The following ARHGEF1 variants were observed in gnomAD, a reference collection of about 807,000 sequenced individuals.
ARHGEF1 encodes the protein 115 kDa guanine nucleotide exchange factor.
A neutral mutation model predicts 119.7 loss-of-function variants in ARHGEF1; 40 were observed. That is an observed-to-expected ratio of 0.33 (90% CI 0.26 to 0.44). The LOEUF (loss-of-function observed/expected upper bound fraction) is 0.44, where lower values mean the gene tolerates loss of function less well. ARHGEF1 is among the 20% of genes least tolerant of loss of function. The pLI is 1.00. For synonymous variants in ARHGEF1, 494 were observed against 521.0 expected (o/e 0.95, Z 0.71); for missense variants, 976 against 1,268.3 (o/e 0.77, Z 3.50).
chr19:41,903,260 C>A lies in ARHGEF1; in HGVS notation c.1739-47C>A. 1 of 1,567,768 alleles carries A rather than the reference C, an allele frequency of 6.4e-7. No individual in the cohort carries two copies. The highest frequency in any genetic ancestry group is 8.8e-7 in the Non-Finnish European group (1 of 1,139,884). The stretch of plus-strand genomic sequence containing the variant: ...CTAACCTTGGCTGCCCAATCTGGAG[C>A]CTCCAGGGCAGGGGTTCACCAGAGC... On this transcript the variant is annotated intron_variant, in intron 18 of 28. Transcript: ENST00000354532. This position sits in a 1 kb window ranked among gnomAD's most constrained non-coding sequence, Gnocchi z 4.2.
At chr19:41,898,753 A>G (rs1285174834) in intron 14 of ARHGEF1, among the ~76,000 whole-genome samples, 166 bp downstream of exon 14, 2 of 152,266 alleles carry the variant, frequency 1.3e-5, no homozygotes, top group East Asian at 1.9e-4. Flanking sequence ...GTTTCAACAC[A>G]GAGCATTTTG....
upstream of ARHGEF1, among the ~76,000 whole-genome samples, chr19:41,918,698 G>A (rs576186801): frequency 4.3e-5 from 4 of 93,142 alleles, no homozygotes; most frequent in Admixed American, 1.1e-4. Context: ...CCACATATCC[G>A]CCACACACCA....
Position 41,902,798 on chromosome 19 carries a change from C to T in ARHGEF1, c.1638C>T (p.Arg546=), listed in dbSNP as rs2074625723. ...GTTTCCCGCAGGAAGCTGAGAGCCG[C>T]CCGCGGTGCCGCCGCCTGCAGCTGA... The part of the protein sequence containing the change: ...FCAFVQEAES[R]PRCRRLQLKD... The change falls in exon 18 of 29, where the codon CGC becomes CGT. Residue 546 remains arginine, a synonymous_variant. Transcript: ENST00000354532. This position sits in a 1 kb window ranked among gnomAD's most constrained non-coding sequence, Gnocchi z 6.5. 3.1e-6 allele frequency: 5 copies of T among 1,613,062 alleles called. No individual in the cohort carries two copies. Among genetic ancestry groups the T allele is most frequent in the African/African-American group, 1.3e-5 (1 of 75,042 alleles).
Position 41,892,512 on chromosome 19 carries a change from G to T in ARHGEF1, c.368-91G>T, listed in dbSNP as rs2074393646. On this transcript the variant is annotated intron_variant, in intron 6 of 28. Coordinates refer to ENST00000354532, the MANE Select transcript of ARHGEF1 (RefSeq NM_004706.4). The surrounding 1 kb of genome is among the most constrained non-coding windows in gnomAD (Gnocchi z 6.3). ...CATTCCTTCTTGGCAGCGGCCTCAG[G>T]ACGTGTGGCTGTTGGAGTCCAAGGG... The T allele has an allele frequency of 1.9e-6, 3 of 1,577,862 alleles. No individual in the cohort carries two copies. Among genetic ancestry groups the T allele is most frequent in the Non-Finnish European group, 8.6e-7 (1 of 1,157,372 alleles).
intron 13 of ARHGEF1, chr19:41,897,342 C>G: frequency 2.4e-6 from 3 of 1,261,840 alleles, no homozygotes; most frequent in South Asian, 1.3e-5. Flanking sequence ...TGCCTGGGCC[C>G]TGGGTGGGGG....
At chr19:41,909,558 C>G, downstream of ARHGEF1, 6 of 1,013,112 alleles carry the variant, frequency 5.9e-6, no homozygotes, top group Non-Finnish European at 7.8e-6. This position sits in a 1 kb window ranked among gnomAD's most constrained non-coding sequence, Gnocchi z 5.2. Context: ...CTGTCCCAGG[C>G]ATGGTGCACA....
chr19:41,918,617 CA>C (rs1312042301), upstream of ARHGEF1, among the ~76,000 whole-genome samples: 1 of 142,096 alleles, frequency 7.0e-6, no homozygotes, highest in Non-Finnish European at 1.5e-5. Context: ...AAACCACACA[CA>C]CCACATCACT....
At chr19:41,912,795 G>T in intron 18 of ARHGEF1, 1 of 575,660 alleles carries the variant, frequency 1.7e-6, no homozygotes, top group Non-Finnish European at 2.5e-6. Context: ...GGGGGATGCG[G>T]CTCACTGGGG....
downstream of ARHGEF1, chr19:41,909,429 C>T (rs2074740477): frequency 1.6e-6 from 2 of 1,237,558 alleles, no homozygotes; most frequent in Non-Finnish European, 2.0e-6. This position sits in a 1 kb window ranked among gnomAD's most constrained non-coding sequence, Gnocchi z 5.2. Context: ...AGGTGAACCT[C>T]TTCCCTTTGG....
In ARHGEF1 at chr19:41,906,558, G is replaced by A. The variant is rs782473547; in HGVS notation, c.2593G>A (p.Ala865Thr). 1.2e-6 allele frequency: 2 copies of A among 1,600,198 alleles called. No homozygotes were observed. Among genetic ancestry groups the A allele is most frequent in the South Asian group, 1.1e-5 (1 of 89,410 alleles). The part of the protein sequence containing the change: ...GVPGGGPLSP[A>T]RTQEIQENLL... ...CCCAGGGGGCGGCCCCCTGAGCCCA[G>A]CACGGACCCAGGAAATCCAGGAGAA... is the stretch of plus-strand genomic sequence containing the variant. The change falls in exon 27 of 29, where the codon GCA becomes ACA. Residue 865 changes from alanine to threonine, a missense_variant. Ala to Thr is a moderately conservative substitution (Grantham distance 58). Around this residue, in one of 3 missense-constraint regions of ARHGEF1, gnomAD observed 171 missense variants for 180.6 expected, o/e 0.95. Transcript: ENST00000354532. This position sits in a 1 kb window ranked among gnomAD's most constrained non-coding sequence, Gnocchi z 4.5.
intron 1 of ARHGEF1, among the ~76,000 whole-genome samples, chr19:41,923,646 G>A (rs552139594): frequency 9.2e-6 from 1 of 108,974 alleles, no homozygotes; most frequent in Non-Finnish European, 1.8e-5. Flanking sequence ...AGGCCAGCAT[G>A]CAGGGAGGGG....
intron 14 of ARHGEF1, among the ~76,000 whole-genome samples, chr19:41,901,595 A>G (rs1473817130): frequency 6.6e-6 from 1 of 152,024 alleles, no homozygotes; most frequent in Non-Finnish European, 1.5e-5. Context: ...GCACACACCA[A>G]CATGCCTGGG....
At position 41,902,526 on chromosome 19, in the gene ARHGEF1, G is replaced by A. The variant is rs370197690; in HGVS notation, c.1498-7G>A. On this transcript the variant is annotated splice_polypyrimidine_tract_variant and splice_region_variant and intron_variant, in intron 16 of 28. Transcript: ENST00000354532. This position sits in a 1 kb window ranked among gnomAD's most constrained non-coding sequence, Gnocchi z 6.5. ...GAGACACCTGCCTGGCCTGAATCTC[G>A]CTGTAGTTTGATGGTGCTGAGGGCT... The A allele has an allele frequency of 1.2e-5, 20 of 1,613,800 alleles. 1 individual carries two copies. The highest frequency in any genetic ancestry group is 1.1e-4 in the South Asian group (10 of 91,078).
chr19:41,927,557 T>A (rs1048911807), intron 1 of ARHGEF1, among the ~76,000 whole-genome samples: 12 of 152,056 alleles, frequency 7.9e-5, no homozygotes, highest in Admixed American at 1.3e-4. Context: ...CTCAGATATC[T>A]AGATCTTCCG....
rs1599661958 is a variant in ARHGEF1 at position 41,904,024 on chromosome 19, T to C, written c.1918-11T>C. On this transcript the variant is annotated splice_polypyrimidine_tract_variant and intron_variant, in intron 20 of 28. Transcript: ENST00000354532. The surrounding 1 kb of genome is among the most constrained non-coding windows in gnomAD (Gnocchi z 8.4). ...CCAACCTGCACAAACCATCACCCCC[T>C]CCTGCCCCAGAACCTGGACATCACC... The C allele has an allele frequency of 6.8e-7, 1 of 1,471,338 alleles. No individual in the cohort carries two copies. The allele number at this position is 1,471,338 out of a possible 1,614,324, so 91.1% of individuals were successfully genotyped here.
At chr19:41,895,218 G>A (rs2074462529) in intron 11 of ARHGEF1, 131 bp from the exon 12 acceptor site, 1 of 1,246,396 alleles carries the variant, frequency 8.0e-7, no homozygotes, top group Non-Finnish European at 1.1e-6. Flanking sequence ...AGGGCTCCTG[G>A]GTCTGAGGGA....
chr19:41,923,520 CAGAG>C (rs1460703540), intron 1 of ARHGEF1, among the ~76,000 whole-genome samples: 2 of 148,450 alleles, frequency 1.3e-5, no homozygotes, highest in South Asian at 2.2e-4. Flanking sequence ...CCAAGAGAGA[CAGAG>C]AGACTCAGAA....
At position 41,903,435 on chromosome 19, in the gene ARHGEF1, G is replaced by A; in HGVS notation, c.1839+28G>A. On this transcript the variant is annotated intron_variant, in intron 19 of 28. Coordinates refer to ENST00000354532, the MANE Select transcript of ARHGEF1 (RefSeq NM_004706.4). The surrounding 1 kb of genome is among the most constrained non-coding windows in gnomAD (Gnocchi z 4.2). ...GAGCCTGGGCTGGCCCCACACCCGG[G>A]ACAGTGGATGGTGTGAGAGCAGGGG... 2 of 1,603,520 alleles carry A rather than the reference G, an allele frequency of 1.2e-6. No homozygotes were observed. The highest frequency in any genetic ancestry group is 1.1e-5 in the South Asian group (1 of 90,748).
chr19:41,910,160 G>T, downstream of ARHGEF1: 1 of 1,486,964 alleles, frequency 6.7e-7, no homozygotes, highest in Non-Finnish European at 9.1e-7. The surrounding 1 kb of genome is among the most constrained non-coding windows in gnomAD (Gnocchi z 4.4). Context: ...TCTGGGTCCT[G>T]CTGGACTCAG....
Sources: gnomAD v4.1 joint callset for allele counts (sites outside exome capture counted in the v4.1 genomes callset) on GRCh38, gnomAD v4.1.1 for gene constraint, gnomAD v4.1.1 regional missense constraint, Gnocchi (gnomAD v3.1) non-coding constraint, MANE v1.5 for transcripts, NCBI Gene and HGNC (gene_info 2026-07-23, HGNC 2026-07-21) for gene names.